Variants in GBE1 observed in about 807,000 individuals in gnomAD.
GBE1 encodes 1,4-alpha-glucan branching enzyme 1, also known as 1,4-alpha-glucan-branching enzyme.
A neutral mutation model predicts 88.8 loss-of-function variants in GBE1; 70 were observed. That is an observed-to-expected ratio of 0.79 (90% CI 0.65 to 0.96). The LOEUF is 0.96. Among genes scored for constraint, GBE1 ranks in the 40% least tolerant of loss-of-function variants. The probability of loss-of-function intolerance (pLI) is 0.00; values close to 1 mark genes in which losing one functional copy is unlikely to be tolerated. For missense variants in GBE1, 872 were observed against 871.0 expected (o/e 1.00, Z -0.01); for synonymous variants, 284 against 300.1 (o/e 0.95, Z 0.56).
intron 12 of GBE1, among the ~76,000 whole-genome samples, chr3:81,551,332 G>A (rs1464805754): frequency 1.3e-5 from 2 of 152,126 alleles, no homozygotes; most frequent in Admixed American, 1.3e-4. Flanking sequence ...GATGGGGGGT[G>A]CTGGACAAGA....
At chr3:81,760,688 G>A (rs1000642911) in intron 1 of GBE1, among the ~76,000 whole-genome samples, 2 of 152,212 alleles carry the variant, frequency 1.3e-5, no homozygotes, top group African/African-American at 4.8e-5. Flanking sequence ...TAGAAGACAA[G>A]CTAAAACGAC....
chr3:81,625,021 G>A (rs1037139064), intron 7 of GBE1, among the ~76,000 whole-genome samples: 2 of 146,814 alleles, frequency 1.4e-5, no homozygotes, highest in African/African-American at 2.5e-5. Flanking sequence ...ATAAAACCAC[G>A]GCTACACTTT....
rs559306420 is a variant in GBE1 at position 81,493,827 on chromosome 3, C to T, written c.2053-3364G>A. On this transcript the variant is annotated intron_variant, in intron 15 of 15. Transcript: ENST00000429644. ...ACAGGTGTGAGCCACCACACCCATC[C>T]GAGAGGGTTTTTTTTTTTAAAGGAT... 4.0e-4 allele frequency among the ~76,000 whole-genome samples: 56 copies of T among 140,342 alleles called. No homozygotes were observed. The highest frequency in any genetic ancestry group is 3.6e-3 in the Middle Eastern group (1 of 280). The allele number at this position is 140,342 out of a possible 152,430, so 92.1% of individuals were successfully genotyped here.
At chr3:81,494,846 C>T (rs1382403481) in intron 15 of GBE1, among the ~76,000 whole-genome samples, 2 of 152,164 alleles carry the variant, frequency 1.3e-5, no homozygotes, top group Non-Finnish European at 2.9e-5. Context: ...ACTGCTCACA[C>T]AATGCTCTAT....
chr3:81,743,195 A>T (rs2107222138), intron 1 of GBE1, among the ~76,000 whole-genome samples: 1 of 152,318 alleles, frequency 6.6e-6, no homozygotes, highest in South Asian at 2.1e-4. Flanking sequence ...CACAACATGG[A>T]TGAGAGCAGG....
chr3:81,686,132 G>A (rs1239128664), intron 2 of GBE1, among the ~76,000 whole-genome samples: 1 of 152,198 alleles, frequency 6.6e-6, no homozygotes, highest in Non-Finnish European at 1.5e-5. Flanking sequence ...GAGTGCATTT[G>A]AAAGCTACTT....
intron 7 of GBE1, among the ~76,000 whole-genome samples, chr3:81,606,458 C>T (rs1280065367): frequency 6.6e-6 from 1 of 152,220 alleles, no homozygotes; most frequent in Non-Finnish European, 1.5e-5. Flanking sequence ...GGCAGGAAGA[C>T]CCTGCGCTAT....
At chr3:81,761,331 G>T (rs771865184) in intron 1 of GBE1, 44 bp downstream of exon 1, 2 of 1,572,026 alleles carry the variant, frequency 1.3e-6, no homozygotes, top group Non-Finnish European at 1.7e-6. Flanking sequence ...CTCCTGGGAG[G>T]CGGGCTGCCT....
chr3:81,646,778 T>C lies in GBE1; in HGVS notation c.692-296A>G, dbSNP rs551850187. Reference sequence around the variant, plus strand: ...AGCATATTAAAAACGGCAATCTCCATATGCTAAACATCAGTTACACTTGCA... The same window carrying C: ...AGCATATTAAAAACGGCAATCTCCACATGCTAAACATCAGTTACACTTGCA... On this transcript the variant is annotated intron_variant, in intron 5 of 15. Transcript: ENST00000429644. 2.0e-5 allele frequency among the ~76,000 whole-genome samples: 3 copies of C among 152,282 alleles called. No individual in the cohort carries two copies. The South Asian group carries it at 6.2e-4, about 32-fold the overall frequency.
intron 14 of GBE1, among the ~76,000 whole-genome samples, chr3:81,524,460 G>A (rs1428030435): frequency 6.6e-6 from 1 of 151,642 alleles, no homozygotes; most frequent in East Asian, 1.9e-4. Flanking sequence ...TTCCTTTGTT[G>A]TGCAGAAGCT....
Position 81,761,521 on chromosome 3 carries a change from C to T in GBE1, c.-4G>A, listed in dbSNP as rs1283709127. 4.4e-6 allele frequency: 7 copies of T among 1,603,206 alleles called. No individual in the cohort carries two copies. The South Asian group carries it at 7.7e-5, about 18-fold the overall frequency. ...CGGGAGTCATCGGAGCCGCCATATT[C>T]CGCCGCAGTCCAAGTAGCCGAGGCC... On this transcript the variant is annotated 5_prime_UTR_variant, in exon 1 of 16. Coordinates refer to ENST00000429644, the MANE Select transcript of GBE1 (RefSeq NM_000158.4).
intron 14 of GBE1, among the ~76,000 whole-genome samples, chr3:81,508,467 T>C (rs1169994756): frequency 6.6e-6 from 1 of 151,978 alleles, no homozygotes; most frequent in Non-Finnish European, 1.5e-5. Flanking sequence ...AAGAAAAAAA[T>C]AACAGATTTT....
At chr3:81,504,073 C>CT (rs1339104316) in intron 14 of GBE1, among the ~76,000 whole-genome samples, 3 of 152,122 alleles carry the variant, frequency 2.0e-5, no homozygotes, top group Non-Finnish European at 4.4e-5. Context: ...TGAGAAGTCA[C>CT]TTGTTACCAT....
chr3:81,569,318 C>T (rs1174623538), intron 12 of GBE1, among the ~76,000 whole-genome samples: 1 of 152,106 alleles, frequency 6.6e-6, no homozygotes, highest in Non-Finnish European at 1.5e-5. Flanking sequence ...TGTTACAGGA[C>T]ATGTAAACTG....
At chr3:81,712,926 T>C (rs1705890070) in intron 1 of GBE1, among the ~76,000 whole-genome samples, 1 of 152,166 alleles carries the variant, frequency 6.6e-6, no homozygotes, top group Admixed American at 6.5e-5. Context: ...TATTCATATA[T>C]TAAGGCTGCC....
At chr3:81,520,931 G>A (rs1702865011) in intron 14 of GBE1, among the ~76,000 whole-genome samples, 1 of 151,536 alleles carries the variant, frequency 6.6e-6, no homozygotes, top group East Asian at 1.9e-4. Context: ...TAGTCACCAT[G>A]AAGGCCACAT....
At chr3:81,586,774 T>C (rs932662850) in intron 9 of GBE1, among the ~76,000 whole-genome samples, 3 of 144,226 alleles carry the variant, frequency 2.1e-5, no homozygotes, top group Non-Finnish European at 3.0e-5. Context: ...GGTGAAGGGA[T>C]CTCTCAAGAT....
At chr3:81,700,416 AAATT>A (rs1705669844) in intron 2 of GBE1, among the ~76,000 whole-genome samples, 1 of 152,204 alleles carries the variant, frequency 6.6e-6, no homozygotes. Context: ...TATGTAAATA[AAATT>A]AATTATTCAA....
At chr3:81,516,380 C>A (rs1319280778) in intron 14 of GBE1, among the ~76,000 whole-genome samples, 1 of 151,464 alleles carries the variant, frequency 6.6e-6, no homozygotes, top group Admixed American at 6.6e-5. Flanking sequence ...GTTTACTGAG[C>A]CTGTAAGCCC....
Sources: gnomAD v4.1 joint callset for allele counts (sites outside exome capture counted in the v4.1 genomes callset) on GRCh38, gnomAD v4.1.1 for gene constraint, MANE v1.5 for transcripts, NCBI Gene and HGNC (gene_info 2026-07-23, HGNC 2026-07-21) for gene names.